DNAJC5: variants seen among roughly 807,000 people sequenced by gnomAD.
DNAJC5 encodes the protein dnaJ homolog subfamily C member 5.
DNAJC5 carries 1 observed loss-of-function variant against 23.2 expected under a neutral mutation model. The ratio of observed to expected loss-of-function variants is 0.04; its 90% CI spans 0.02 to 0.20. The LOEUF (loss-of-function observed/expected upper bound fraction) is 0.20. Ranked by LOEUF, DNAJC5 falls within the 10% of genes least tolerant of loss-of-function variation. The pLI, the probability that DNAJC5 is intolerant of heterozygous loss-of-function variation, is 1.00. For missense variants in DNAJC5, 180 were observed against 267.0 expected (o/e 0.67, Z 2.27); for synonymous variants, 136 against 120.0 (o/e 1.13, Z -0.87).
chr20:63,901,359 C>A (rs1311307125), intron 1 of DNAJC5, among the ~76,000 whole-genome samples: 1 of 152,208 alleles, frequency 6.6e-6, no homozygotes, highest in Non-Finnish European at 1.5e-5. Flanking sequence ...TGTGCCCTGC[C>A]CTCCTTGCTG....
chr20:63,898,205 C>G (rs934940397), intron 1 of DNAJC5, among the ~76,000 whole-genome samples: 2 of 152,174 alleles, frequency 1.3e-5, no homozygotes, highest in Non-Finnish European at 2.9e-5. Context: ...ATGTGAGGTG[C>G]TCACGTGTGT....
In DNAJC5 at chr20:63,928,320, T is replaced by C. The variant is rs766325194; in HGVS notation, c.-11-15T>C. The C allele has an allele frequency of 8.1e-6, 13 of 1,600,618 alleles. No homozygotes were observed. The highest frequency in any genetic ancestry group is 1.7e-5 in the Admixed American group (1 of 60,006). On this transcript the variant is annotated splice_polypyrimidine_tract_variant and intron_variant, in intron 1 of 4. Transcript: ENST00000360864. The surrounding 1 kb of genome is among the most constrained non-coding windows in gnomAD (Gnocchi z 4.6). ...TCTATACTTTGTGATACTTTCTTTTTATTTTTTCTTCTAGAATAGCCTAAC... is the reference window on the plus strand; with the variant it reads ...TCTATACTTTGTGATACTTTCTTTTCATTTTTTCTTCTAGAATAGCCTAAC...
intron 1 of DNAJC5, among the ~76,000 whole-genome samples, chr20:63,911,888 C>T (rs1301808000): frequency 6.6e-6 from 1 of 151,930 alleles, no homozygotes; most frequent in East Asian, 1.9e-4. Context: ...CCATGTTGCC[C>T]AGAATGATCA....
At chr20:63,912,303 C>CAA (rs1053866580) in intron 1 of DNAJC5, among the ~76,000 whole-genome samples, 291 of 92,372 alleles carry the variant, frequency 3.2e-3, no homozygotes, top group African/African-American at 0.011. Context: ...AATCGGTCTC[C>CAA]AAAAAAAAAA....
chr20:63,912,302 C>G (rs78102018), intron 1 of DNAJC5, among the ~76,000 whole-genome samples: 1 of 145,016 alleles, frequency 6.9e-6, no homozygotes, highest in South Asian at 2.2e-4. Context: ...GAATCGGTCT[C>G]CAAAAAAAAA....
chr20:63,924,292 G>A (rs1490261484), intron 1 of DNAJC5, among the ~76,000 whole-genome samples: 1 of 152,090 alleles, frequency 6.6e-6, no homozygotes, highest in Admixed American at 6.5e-5. Flanking sequence ...TCTTTATATC[G>A]AGGCTTCTAA....
chr20:63,903,058 A>T (rs1004007508), intron 1 of DNAJC5, among the ~76,000 whole-genome samples: 1 of 151,714 alleles, frequency 6.6e-6, no homozygotes, highest in African/African-American at 2.4e-5. Flanking sequence ...AGCTCACTGC[A>T]TTCTCCCAGG....
chr20:63,896,958 C>G (rs1351882290), intron 1 of DNAJC5, among the ~76,000 whole-genome samples: 2 of 152,068 alleles, frequency 1.3e-5, no homozygotes, highest in Non-Finnish European at 2.9e-5. Flanking sequence ...TGTTGGCCCT[C>G]AGGACAGAGA....
rs1046544255 is a variant in DNAJC5 at position 63,931,381 on chromosome 20, G to C, written c.494-84G>C. On this transcript the variant is annotated intron_variant, in intron 4 of 4. Coordinates refer to ENST00000360864, the MANE Select transcript of DNAJC5 (RefSeq NM_025219.3). This position sits in a 1 kb window ranked among gnomAD's most constrained non-coding sequence, Gnocchi z 9.6. ...CTCCCGGTGGAGAGTTTGTCCAGGT[G>C]CCCGAAAGTCGCTCCACAGGACCAG... The C allele has an allele frequency of 2.3e-6, 3 of 1,281,904 alleles. No individual in the cohort carries two copies. The highest frequency in any genetic ancestry group is 2.5e-5 in the South Asian group (2 of 78,970). The allele number at this position is 1,281,904 out of a possible 1,614,324, so 79.4% of individuals were successfully genotyped here. A position where few individuals can be genotyped will look rare whatever the true frequency, so the allele number is the denominator to read the frequency against.
At chr20:63,897,928 G>A (rs915935688) in intron 1 of DNAJC5, among the ~76,000 whole-genome samples, 4 of 152,186 alleles carry the variant, frequency 2.6e-5, no homozygotes, top group Admixed American at 6.5e-5. Flanking sequence ...GAAGATGGTT[G>A]TATTAACGTG....
rs1306561291 is a variant in DNAJC5, at chr20:63,932,005, CTG to C, written c.*441_*442del. On this transcript the variant is annotated 3_prime_UTR_variant, in exon 5 of 5. Transcript: ENST00000360864. The surrounding 1 kb of genome is among the most constrained non-coding windows in gnomAD (Gnocchi z 4.4). ...CGGAGGCAGGTGCTGCCTGGCAGAG[CTG>C]TGTTACCGTCTTGGCCTCGGGGTCT... The C allele has an allele frequency of 6.0e-6, 2 of 331,554 alleles. No individual in the cohort carries two copies. Among genetic ancestry groups the C allele is most frequent in the Non-Finnish European group, 1.2e-5 (2 of 169,432 alleles). The allele number at this position is 331,554 out of a possible 1,614,324, so 20.5% of individuals were successfully genotyped here.
intron 1 of DNAJC5, among the ~76,000 whole-genome samples, chr20:63,916,773 C>A (rs148687704): frequency 6.6e-6 from 1 of 152,134 alleles, no homozygotes; most frequent in African/African-American, 2.4e-5. Context: ...AGACCTCCCC[C>A]CAGGAATGCA....
chr20:63,909,489 C>T (rs145637561), intron 1 of DNAJC5, among the ~76,000 whole-genome samples: 2,472 of 152,050 alleles, frequency 0.016, 33 homozygotes, highest in Non-Finnish European at 0.022. Context: ...GGCGACAGAG[C>T]GAGATTCCGT....
At chr20:63,913,541 C>T (rs931926081) in intron 1 of DNAJC5, among the ~76,000 whole-genome samples, 12 of 151,214 alleles carry the variant, frequency 7.9e-5, no homozygotes, top group African/African-American at 2.2e-4. Context: ...GGACTATAGG[C>T]GTGCACTACC....
In DNAJC5 at chr20:63,919,537, C is replaced by T. The variant is rs6090019; in HGVS notation, c.-11-8798C>T. 1,405 of 225,880 alleles carry T rather than the reference C, an allele frequency of 6.2e-3. 50 individuals carry two copies. The highest frequency in any genetic ancestry group is 8.0e-3 in the Non-Finnish European group (953 of 119,404). 14.0% of individuals were successfully genotyped at this position (225,880 alleles called of 1,614,324 possible). On this transcript the variant is annotated intron_variant, in intron 1 of 4. Transcript: ENST00000360864. ...ATGTGCCCAGGGCCCGGGACAGCGC[C>T]ACGGAAGAGGACGCACCCGGCTGTG...
chr20:63,903,172 A>C (rs530879382), intron 1 of DNAJC5, among the ~76,000 whole-genome samples: 1 of 151,926 alleles, frequency 6.6e-6, no homozygotes, highest in Non-Finnish European at 1.5e-5. Context: ...GGGCCTCCAC[A>C]TGTTGCCCAG....
At chr20:63,930,643 G>A (rs185504107) in intron 3 of DNAJC5, among the ~76,000 whole-genome samples, 46 of 152,326 alleles carry the variant, frequency 3.0e-4, no homozygotes, top group African/African-American at 9.4e-4. Context: ...CACCACGCCC[G>A]TCTTGGAGGC....
chr20:63,923,884 G>A lies in DNAJC5; in HGVS notation c.-11-4451G>A, dbSNP rs1372701187. Among the ~76,000 whole-genome samples, 7 of 152,174 alleles carry A rather than the reference G, an allele frequency of 4.6e-5. No homozygotes were observed. The East Asian group carries it at 1.2e-3, about 25-fold the overall frequency. ...GCTCTTGAGCCAGAACGACCTGGCC[G>A]TTTTTAAAAATGGAGTTTTTTGCCT... On this transcript the variant is annotated intron_variant, in intron 1 of 4. Coordinates refer to ENST00000360864, the MANE Select transcript of DNAJC5 (RefSeq NM_025219.3).
At position 63,929,608 on chromosome 20, in the gene DNAJC5, CCGAG is replaced by C. The variant is rs2053646552; in HGVS notation, c.321+84_321+87del. ...CGAGTCTCTCCTGCCGTGCGGGCAC[CCGAG>C]TCACTCCTGCCGTGCGGGCACCCGA... On this transcript the variant is annotated intron_variant, in intron 3 of 4. Coordinates refer to ENST00000360864, the MANE Select transcript of DNAJC5 (RefSeq NM_025219.3). The surrounding 1 kb of genome is among the most constrained non-coding windows in gnomAD (Gnocchi z 8.6). 7.1e-7 allele frequency: 1 copy of C among 1,402,646 alleles called. No homozygotes were observed. Among genetic ancestry groups the C allele is most frequent in the Non-Finnish European group, 9.8e-7 (1 of 1,016,896 alleles). The allele number at this position is 1,402,646 out of a possible 1,614,324, so 86.9% of individuals were successfully genotyped here.
Sources: gnomAD v4.1 joint callset for allele counts (sites outside exome capture counted in the v4.1 genomes callset) on GRCh38, gnomAD v4.1.1 for gene constraint, Gnocchi (gnomAD v3.1) non-coding constraint, MANE v1.5 for transcripts, NCBI Gene and HGNC (gene_info 2026-07-23, HGNC 2026-07-21) for gene names.